SAV1: variants seen among roughly 807,000 people sequenced by gnomAD.
The protein encoded by SAV1 is protein salvador homolog 1.
Under a neutral mutation model 47.3 loss-of-function variants are expected in SAV1, and 23 were observed. The ratio of observed to expected loss-of-function variants is 0.49; its 90% CI spans 0.35 to 0.69. The LOEUF is 0.69. Among genes scored for constraint, SAV1 ranks in the 30% least tolerant of loss-of-function variants. The pLI is 0.01. For missense variants in SAV1, 448 were observed against 457.4 expected (o/e 0.98, Z 0.19); for synonymous variants, 155 against 159.2 (o/e 0.97, Z 0.20).
intron 2 of SAV1, among the ~76,000 whole-genome samples, chr14:50,650,877 G>A (rs2039762518): frequency 2.0e-5 from 3 of 152,154 alleles, no homozygotes; most frequent in Admixed American, 1.3e-4. Flanking sequence ...CAAATAATTA[G>A]CTGGGCGTGG....
At chr14:50,656,338 G>A (rs1450348163) in intron 2 of SAV1, among the ~76,000 whole-genome samples, 2 of 151,884 alleles carry the variant, frequency 1.3e-5, no homozygotes, top group Non-Finnish European at 2.9e-5. Context: ...AGGCACATCA[G>A]CTTTACTAAC....
intron 3 of SAV1, among the ~76,000 whole-genome samples, chr14:50,642,087 C>A (rs963178285): frequency 6.6e-5 from 10 of 152,076 alleles, no homozygotes; most frequent in African/African-American, 2.4e-4. Flanking sequence ...AGGCCATTAT[C>A]CTAAGTGAAT....
chr14:50,634,919 C>T lies in SAV1; in HGVS notation c.*264G>A. On this transcript the variant is annotated 3_prime_UTR_variant, in exon 5 of 5. Coordinates refer to ENST00000324679, the MANE Select transcript of SAV1 (RefSeq NM_021818.4). The stretch of plus-strand genomic sequence containing the variant: ...ACATCTGTTCATAATGACATTTCCG[C>T]TGCGTTTTTTTCCATCAAGAATACC... The T allele has an allele frequency of 2.8e-6, 1 of 352,370 alleles. No homozygotes were observed. Among genetic ancestry groups the T allele is most frequent in the Non-Finnish European group, 5.1e-6 (1 of 194,640 alleles). The allele number at this position is 352,370 out of a possible 1,614,324, so 21.8% of individuals were successfully genotyped here.
rs376905933 is a variant in SAV1, at chr14:50,657,130, G to A, written c.535+8049C>T. Among the ~76,000 whole-genome samples the A allele has an allele frequency of 7.3e-5, 11 of 151,296 alleles. No individual in the cohort carries two copies. The East Asian group carries it at 7.8e-4, about 11-fold the overall frequency. ...CACCCTCCACACCGCGGGTTCCCTG[G>A]TTCAAGCGATTCTCCTGCCTCAGAC... On this transcript the variant is annotated intron_variant, in intron 2 of 4. Coordinates refer to ENST00000324679, the MANE Select transcript of SAV1 (RefSeq NM_021818.4).
intron 3 of SAV1, among the ~76,000 whole-genome samples, chr14:50,643,796 A>C (rs550602608): frequency 1.7e-4 from 26 of 152,118 alleles, no homozygotes; most frequent in Non-Finnish European, 3.2e-4. Flanking sequence ...CAAATACATA[A>C]AATAATTAAA....
chr14:50,657,556 C>G (rs2039823471), intron 2 of SAV1, among the ~76,000 whole-genome samples: 1 of 152,126 alleles, frequency 6.6e-6, no homozygotes, highest in Non-Finnish European at 1.5e-5. Context: ...GTTATTTATT[C>G]TTTAAAGAAA....
At chr14:50,666,627 A>T (rs1054017421) in intron 1 of SAV1, among the ~76,000 whole-genome samples, 4 of 152,220 alleles carry the variant, frequency 2.6e-5, no homozygotes, top group African/African-American at 9.6e-5. Context: ...CGTTCTACAC[A>T]TGTACCCCAG....
At chr14:50,642,174 G>T (rs1467218276) in intron 3 of SAV1, among the ~76,000 whole-genome samples, 2 of 152,244 alleles carry the variant, frequency 1.3e-5, no homozygotes, top group East Asian at 3.9e-4. Context: ...ACACAAAGAA[G>T]GGAACAATAA....
intron 4 of SAV1, among the ~76,000 whole-genome samples, chr14:50,635,600 G>T (rs1363625346): frequency 6.6e-6 from 1 of 152,150 alleles, no homozygotes; most frequent in African/African-American, 2.4e-5. Context: ...GACTGCTTGT[G>T]CCCAAGAGTT....
chr14:50,635,398 C>T lies in SAV1; in HGVS notation c.951-14G>A. ...ATGTGGTCATATCTGTTTTAAAACACAATCATATATATGTTCACAACACAT... is the reference window on the plus strand; with the variant it reads ...ATGTGGTCATATCTGTTTTAAAACATAATCATATATATGTTCACAACACAT... On this transcript the variant is annotated splice_polypyrimidine_tract_variant and intron_variant, in intron 4 of 4. Coordinates refer to ENST00000324679, the MANE Select transcript of SAV1 (RefSeq NM_021818.4). The T allele has an allele frequency of 6.2e-7, 1 of 1,603,252 alleles. No individual in the cohort carries two copies. Among genetic ancestry groups the T allele is most frequent in the Non-Finnish European group, 8.5e-7 (1 of 1,170,302 alleles).
chr14:50,640,994 C>T, intron 3 of SAV1, 101 bp from the exon 4 acceptor site: 1 of 1,073,964 alleles, frequency 9.3e-7, no homozygotes, highest in Admixed American at 2.4e-5. Context: ...AGTGTGCCTT[C>T]TGTCCAAACT....
chr14:50,664,057 T>C (rs2039881265), intron 2 of SAV1, among the ~76,000 whole-genome samples: 1 of 152,218 alleles, frequency 6.6e-6, no homozygotes, highest in Non-Finnish European at 1.5e-5. Context: ...CCATGAATCA[T>C]CTCTTTAAGT....
intron 3 of SAV1, 122 bp downstream of exon 3, chr14:50,644,622 G>C (rs2039705385): frequency 1.1e-6 from 1 of 905,840 alleles, no homozygotes; most frequent in Non-Finnish European, 1.6e-6. Context: ...TGTAAATTTT[G>C]AAATATAAGG....
At chr14:50,659,930 CAAACA>C (rs1273938729) in intron 2 of SAV1, among the ~76,000 whole-genome samples, 1 of 152,176 alleles carries the variant, frequency 6.6e-6, no homozygotes, top group Non-Finnish European at 1.5e-5. Flanking sequence ...TTGGACTGGC[CAAACA>C]GGCCAGGCCA....
At chr14:50,662,755 C>T (rs1271979353) in intron 2 of SAV1, 3 of 152,170 alleles carry the variant, frequency 2.0e-5, no homozygotes, top group Non-Finnish European at 2.9e-5. Flanking sequence ...CTATCAGTGA[C>T]GTCTACAATA....
At chr14:50,649,073 C>A (rs940087511) in intron 2 of SAV1, among the ~76,000 whole-genome samples, 1 of 152,138 alleles carries the variant, frequency 6.6e-6, no homozygotes, top group Non-Finnish European at 1.5e-5. Flanking sequence ...ACACTCACCT[C>A]CTGGATGCTG....
intron 2 of SAV1, among the ~76,000 whole-genome samples, chr14:50,655,123 A>G (rs771152705): frequency 2.0e-5 from 3 of 152,224 alleles, no homozygotes; most frequent in Non-Finnish European, 4.4e-5. Flanking sequence ...TTCAGTACTT[A>G]AAGAGAAAAT....
intron 3 of SAV1, among the ~76,000 whole-genome samples, chr14:50,642,721 A>C (rs1469460145): frequency 4.6e-5 from 7 of 152,232 alleles, no homozygotes; most frequent in Non-Finnish European, 7.3e-5. Context: ...ACTGTTTACT[A>C]AACTGGGATT....
At chr14:50,635,633 G>A (rs8003372) in intron 4 of SAV1, among the ~76,000 whole-genome samples, 68,875 of 151,986 alleles carry the variant, frequency 0.45, 17,351 homozygotes, top group East Asian at 0.73. Flanking sequence ...GGGCAACATA[G>A]CAAGACCCTG....
Sources: allele counts gnomAD v4.1 joint callset (sites outside exome capture counted in the v4.1 genomes callset), GRCh38; gene constraint gnomAD v4.1.1; transcripts MANE v1.5; gene names NCBI Gene and HGNC (gene_info 2026-07-23, HGNC 2026-07-21).